Variants in INTU observed in about 807,000 individuals in gnomAD.
INTU encodes protein inturned.
Under a neutral mutation model 100.5 loss-of-function variants are expected in INTU, and 68 were observed. The observed-to-expected ratio is 0.68, with a 90% CI of 0.56 to 0.83. INTU has a LOEUF of 0.83. INTU is among the 40% of genes least tolerant of loss of function. The pLI is 0.00. For synonymous variants in INTU, 357 were observed against 395.7 expected (o/e 0.90, Z 1.16); for missense variants, 1,071 against 1,114.7 (o/e 0.96, Z 0.56).
chr4:127,663,625 A>G (rs1448863080), intron 4 of INTU, 41 bp downstream of exon 4: 1 of 1,537,322 alleles, frequency 6.5e-7, no homozygotes, highest in Admixed American at 1.7e-5. Context: ...AGTTTAGTCA[A>G]AAGCCCAAAG....
intron 6 of INTU, among the ~76,000 whole-genome samples, chr4:127,674,656 T>C (rs1729090397): frequency 6.6e-6 from 1 of 152,222 alleles, no homozygotes; most frequent in South Asian, 2.1e-4. Flanking sequence ...ACTTCTCTAA[T>C]GGTACATCTT....
chr4:127,657,737 C>T (rs775592391), intron 3 of INTU, among the ~76,000 whole-genome samples: 25 of 151,616 alleles, frequency 1.6e-4, no homozygotes, highest in Non-Finnish European at 2.9e-4. Flanking sequence ...GTCACTGTCT[C>T]CCATCACCCC....
In INTU at chr4:127,714,107, AAAAGTATTTG is replaced by A. The variant is rs1731183459; in HGVS notation, c.2717+21_2717+30del. 1 of 1,596,734 alleles carries A rather than the reference AAAAGTATTTG, an allele frequency of 6.3e-7. No homozygotes were observed. The highest frequency in any genetic ancestry group is 1.4e-5 in the African/African-American group (1 of 73,754). On this transcript the variant is annotated intron_variant, in intron 15 of 15. Coordinates refer to ENST00000335251, the MANE Select transcript of INTU (RefSeq NM_015693.4). The stretch of plus-strand genomic sequence containing the variant: ...CTGGGTAGTAGGGTAAGTGAGAAAA[AAAAGTATTTG>A]AAAGTAAAGTGTTAGAAAAGTGAAA...
At chr4:127,714,143 G>A in intron 15 of INTU, 50 bp downstream of exon 15, 1 of 1,479,970 alleles carries the variant, frequency 6.8e-7, no homozygotes, top group Non-Finnish European at 9.3e-7. Context: ...AAAAGTGAAA[G>A]AAAAGTGGTA....
At chr4:127,651,324 T>C (rs1388569734) in intron 2 of INTU, among the ~76,000 whole-genome samples, 1 of 151,894 alleles carries the variant, frequency 6.6e-6, no homozygotes, top group Non-Finnish European at 1.5e-5. Flanking sequence ...AATGCCTAGG[T>C]TTTCTTCTAG....
chr4:127,636,106 T>C (rs1727057418), intron 1 of INTU, among the ~76,000 whole-genome samples: 1 of 151,484 alleles, frequency 6.6e-6, no homozygotes, highest in Admixed American at 6.6e-5. Context: ...ATCTCTAAAA[T>C]AAAAAATAAA....
At chr4:127,633,796 A>G (rs1726949558) in intron 1 of INTU, among the ~76,000 whole-genome samples, 1 of 152,218 alleles carries the variant, frequency 6.6e-6, no homozygotes, top group Non-Finnish European at 1.5e-5. Flanking sequence ...AAATACAGAT[A>G]CCTAAAGGTT....
At chr4:127,638,250 C>T (rs774470340) in intron 1 of INTU, among the ~76,000 whole-genome samples, 40 of 152,276 alleles carry the variant, frequency 2.6e-4, no homozygotes, top group Non-Finnish European at 5.4e-4. Flanking sequence ...CTAGAATTGT[C>T]CTGTTATACC....
At chr4:127,698,023 G>A (rs2148723368) in intron 8 of INTU, among the ~76,000 whole-genome samples, 1 of 152,336 alleles carries the variant, frequency 6.6e-6, no homozygotes, top group South Asian at 2.1e-4. Flanking sequence ...GGGAAGCTGA[G>A]GCAGGAGAAT....
At chr4:127,691,644 C>T (rs141660631) in intron 8 of INTU, among the ~76,000 whole-genome samples, 78 of 151,974 alleles carry the variant, frequency 5.1e-4, no homozygotes, top group Middle Eastern at 6.8e-3. Flanking sequence ...TGTTTGGTTA[C>T]ATGAATAAGT....
chr4:127,669,623 G>A (rs1728835360), intron 5 of INTU, among the ~76,000 whole-genome samples: 2 of 151,810 alleles, frequency 1.3e-5, no homozygotes, highest in South Asian at 4.1e-4. Flanking sequence ...TGGTCATATA[G>A]TTAGGACATA....
At chr4:127,647,715 G>A (rs1259580332) in intron 2 of INTU, among the ~76,000 whole-genome samples, 4 of 151,712 alleles carry the variant, frequency 2.6e-5, no homozygotes, top group South Asian at 2.1e-4. Context: ...AATAATATAC[G>A]TTCATTGTAG....
intron 7 of INTU, among the ~76,000 whole-genome samples, chr4:127,685,034 A>G (rs1481658630): frequency 2.0e-5 from 3 of 152,112 alleles, no homozygotes; most frequent in Non-Finnish European, 2.9e-5. Flanking sequence ...TTTCTTTAGT[A>G]AAAAATTTAT....
intron 6 of INTU, among the ~76,000 whole-genome samples, chr4:127,675,217 C>A (rs1176692558): frequency 6.6e-6 from 1 of 152,074 alleles, no homozygotes; most frequent in Non-Finnish European, 1.5e-5. Context: ...AGAATCATAG[C>A]GTATGGTCTA....
At chr4:127,673,524 A>G (rs2126211702) in intron 5 of INTU, among the ~76,000 whole-genome samples, 1 of 151,356 alleles carries the variant, frequency 6.6e-6, no homozygotes, top group South Asian at 2.1e-4. Flanking sequence ...ATATTTAGTC[A>G]CTTAATGTTA....
At chr4:127,649,632 G>C (rs551295293) in intron 2 of INTU, among the ~76,000 whole-genome samples, 15 of 152,056 alleles carry the variant, frequency 9.9e-5, no homozygotes, top group Admixed American at 1.3e-4. Context: ...AAAAAGTTTT[G>C]GATTTTGGAG....
In INTU at chr4:127,706,505, G is replaced by T; in HGVS notation, c.1807G>T (p.Val603Leu). ...CCTATAGAAACATTATATGCTATGT[G>T]TACTATTAGAAGCTGGAGGTTGCGC... ...VVGLKHYMLC[V>L]LLEAGGCASK... Residue 603 changes from valine (V) to leucine (L), a missense_variant, in exon 12 of 16, where the codon GTA becomes TTA. Val to Leu is a conservative substitution (Grantham distance 32). Coordinates refer to ENST00000335251, the MANE Select transcript of INTU (RefSeq NM_015693.4). The T allele has an allele frequency of 6.2e-7, 1 of 1,612,860 alleles. No homozygotes were observed. The highest frequency in any genetic ancestry group is 8.5e-7 in the Non-Finnish European group (1 of 1,179,210).
chr4:127,710,172 G>A (rs1731042656), intron 13 of INTU, among the ~76,000 whole-genome samples: 1 of 152,016 alleles, frequency 6.6e-6, no homozygotes, highest in Non-Finnish European at 1.5e-5. Flanking sequence ...TTCACATGTG[G>A]TGTAAATCAT....
rs143311680 is a variant in INTU, at chr4:127,644,040, C to T, written c.666C>T (p.Ser222=). ...GLLPGGSAMK[S]GQVLIGDVLV... is the part of the protein sequence containing the mutation. ...TGCCAGGGGGATCTGCTATGAAGAG[C>T]GGTCAGGTACTCATTGGTAAGTGTT... Residue 222 remains serine (S), a synonymous_variant, in exon 2 of 16, where the codon AGC becomes AGT. Coordinates refer to ENST00000335251, the MANE Select transcript of INTU (RefSeq NM_015693.4). 58 of 1,612,010 alleles carry T rather than the reference C, an allele frequency of 3.6e-5. No homozygotes were observed. The South Asian group carries it at 4.1e-4, about 11-fold the overall frequency.
Sources: allele counts gnomAD v4.1 joint callset (sites outside exome capture counted in the v4.1 genomes callset), GRCh38; gene constraint gnomAD v4.1.1; transcripts MANE v1.5; gene names NCBI Gene and HGNC (gene_info 2026-07-23, HGNC 2026-07-21).